SLC8A1: variants seen among roughly 807,000 people sequenced by gnomAD.
SLC8A1 encodes the protein sodium/calcium exchanger 1.
In SLC8A1, 18 loss-of-function variants were observed where a neutral mutation model predicts 68.3. The ratio of observed to expected loss-of-function variants is 0.26; its 90% CI spans 0.18 to 0.39. The LOEUF is 0.39. Among genes scored for constraint, SLC8A1 ranks in the 10% least tolerant of loss-of-function variants. SLC8A1 has a pLI of 1.00. For synonymous variants in SLC8A1, 475 were observed against 415.5 expected (o/e 1.14, Z -1.74); for missense variants, 985 against 1,156.7 (o/e 0.85, Z 2.15).
At chr2:40,239,917 A>C (rs1023120818) in intron 2 of SLC8A1, among the ~76,000 whole-genome samples, 1 of 152,194 alleles carries the variant, frequency 6.6e-6, no homozygotes, top group African/African-American at 2.4e-5. Context: ...CGAATATCTT[A>C]ATGTAAGAAG....
intron 7 of SLC8A1, among the ~76,000 whole-genome samples, chr2:40,136,211 T>G (rs1447197022): frequency 6.6e-6 from 1 of 152,176 alleles, no homozygotes; most frequent in Non-Finnish European, 1.5e-5. Context: ...AGGAGGCCCT[T>G]TCTCTATTCA....
intron 2 of SLC8A1, among the ~76,000 whole-genome samples, chr2:40,232,581 G>C (rs1039490535): frequency 6.2e-5 from 9 of 145,842 alleles, no homozygotes; most frequent in African/African-American, 2.3e-4. Flanking sequence ...TTCCATTACT[G>C]TCCAACTTTG....
chr2:40,445,601 T>G (rs1002887348), intron 1 of SLC8A1, among the ~76,000 whole-genome samples: 3 of 152,200 alleles, frequency 2.0e-5, no homozygotes, highest in Non-Finnish European at 4.4e-5. Context: ...AAAGCAAAAC[T>G]AGGTGATATC....
At chr2:40,383,807 T>A (rs1330867946) in intron 2 of SLC8A1, among the ~76,000 whole-genome samples, 2 of 152,156 alleles carry the variant, frequency 1.3e-5, no homozygotes, top group African/African-American at 4.8e-5. Context: ...TGCATACGTG[T>A]GATAGGGAAA....
rs553353760 is a variant in SLC8A1, at chr2:40,395,899, G to T, written c.1808+32574C>A. The stretch of plus-strand genomic sequence containing the variant: ...GTCCATTCATTTTTACTAATAGTAT[G>T]CATGGAGAATGAACACACGCTGCCT... On this transcript the variant is annotated intron_variant, in intron 2 of 7. Transcript: ENST00000406785. 7.9e-5 allele frequency among the ~76,000 whole-genome samples: 12 copies of T among 152,248 alleles called. No individual in the cohort carries two copies. The South Asian group carries it at 2.5e-3, about 32-fold the overall frequency.
chr2:40,411,471 A>G (rs1203635769), intron 2 of SLC8A1, among the ~76,000 whole-genome samples: 2 of 152,052 alleles, frequency 1.3e-5, no homozygotes, highest in Non-Finnish European at 2.9e-5. Flanking sequence ...ATTTTGGTCT[A>G]TTTATTCCAA....
intron 2 of SLC8A1, among the ~76,000 whole-genome samples, chr2:40,183,063 G>C (rs1192506027): frequency 6.6e-6 from 1 of 152,134 alleles, no homozygotes; most frequent in South Asian, 2.1e-4. Context: ...GGAATGATAG[G>C]CTCTTTGCAT....
intron 2 of SLC8A1, among the ~76,000 whole-genome samples, chr2:40,252,670 C>CCAGACCTGT (rs1440232160): frequency 1.3e-5 from 2 of 151,690 alleles, no homozygotes; most frequent in Non-Finnish European, 2.9e-5. Flanking sequence ...ATGTTTCTCT[C>CCAGACCTGT]CAGACCTGTC....
intron 6 of SLC8A1, among the ~76,000 whole-genome samples, chr2:40,147,298 G>A (rs965411831): frequency 8.5e-5 from 13 of 152,144 alleles, no homozygotes; most frequent in Admixed American, 7.9e-4. Context: ...AGTCATGTGT[G>A]TTTTTGCCCC....
chr2:40,236,747 C>T (rs1315181345), intron 2 of SLC8A1, among the ~76,000 whole-genome samples: 5 of 152,044 alleles, frequency 3.3e-5, no homozygotes, highest in African/African-American at 7.3e-5. Flanking sequence ...ACTGGTTGTT[C>T]CTTCCCATGT....
chr2:40,206,120 A>G (rs2055392890), intron 2 of SLC8A1, among the ~76,000 whole-genome samples: 1 of 152,074 alleles, frequency 6.6e-6, no homozygotes, highest in African/African-American at 2.4e-5. Flanking sequence ...GTTCTACTTC[A>G]CAATTATAAT....
chr2:40,147,838 T>G (rs1476188976), intron 6 of SLC8A1, among the ~76,000 whole-genome samples: 1 of 152,222 alleles, frequency 6.6e-6, no homozygotes, highest in African/African-American at 2.4e-5. Flanking sequence ...CAGGTTCACT[T>G]ACTGAGTGTT....
chr2:40,126,175 C>G (rs1413340850), intron 7 of SLC8A1, among the ~76,000 whole-genome samples: 1 of 152,138 alleles, frequency 6.6e-6, no homozygotes, highest in Non-Finnish European at 1.5e-5. Context: ...CAGATAACAA[C>G]TCCATGCTCT....
intron 2 of SLC8A1, among the ~76,000 whole-genome samples, chr2:40,385,586 C>T (rs7599953): frequency 0.73 from 110,144 of 150,638 alleles, 41,743 homozygotes; most frequent in African/African-American, 0.93. Context: ...AAAAATGTAC[C>T]ATGAGGAGCA....
At chr2:40,115,325 G>T in exon 8 of SLC8A1, 1 of 1,614,198 alleles carries the variant, frequency 6.2e-7, no homozygotes, top group Non-Finnish European at 8.5e-7. Context: ...GGAGCACAAA[G>T]AGGCAGGATG....
At chr2:40,209,773 G>A (rs2148766734) in intron 2 of SLC8A1, among the ~76,000 whole-genome samples, 1 of 152,204 alleles carries the variant, frequency 6.6e-6, no homozygotes, top group East Asian at 1.9e-4. Context: ...TATTTTCTCA[G>A]GGAGACAGGA....
chr2:40,224,666 A>T (rs898842572), intron 2 of SLC8A1, among the ~76,000 whole-genome samples: 2 of 152,118 alleles, frequency 1.3e-5, no homozygotes, highest in African/African-American at 4.8e-5. Context: ...TAGGCAAGTG[A>T]TATTTTTAAA....
At chr2:40,233,170 C>T (rs979654656) in intron 2 of SLC8A1, among the ~76,000 whole-genome samples, 6 of 152,134 alleles carry the variant, frequency 3.9e-5, no homozygotes, top group African/African-American at 1.4e-4. Flanking sequence ...TGAGGAATGG[C>T]CACACTGACT....
intron 2 of SLC8A1, among the ~76,000 whole-genome samples, chr2:40,411,646 A>C (rs974948046): frequency 3.3e-5 from 5 of 152,098 alleles, no homozygotes; most frequent in Non-Finnish European, 7.4e-5. Flanking sequence ...GGGCCTCATT[A>C]AATAAATTGT....
Sources: gnomAD v4.1 joint callset for allele counts (sites outside exome capture counted in the v4.1 genomes callset) on GRCh38, gnomAD v4.1.1 for gene constraint, MANE v1.5 for transcripts, NCBI Gene and HGNC (gene_info 2026-07-23, HGNC 2026-07-21) for gene names.